The following SLC22A3 variants were observed in gnomAD, a reference collection of about 807,000 sequenced individuals.
SLC22A3 encodes the protein solute carrier family 22 member 3, also known as EMT organic cation transporter 3.
A neutral mutation model predicts 59.1 loss-of-function variants in SLC22A3; 51 were observed. The ratio of observed to expected loss-of-function variants is 0.86; its 90% confidence interval spans 0.69 to 1.09. The LOEUF is 1.09. Ranked by LOEUF, SLC22A3 falls within the 50% of genes least tolerant of loss-of-function variation. The pLI is 0.00. For missense variants in SLC22A3, 711 were observed against 726.3 expected, an observed-to-expected ratio of 0.98 and a Z score of 0.24; for synonymous variants, 325 against 292.0, an observed-to-expected ratio of 1.11 and a Z score of -1.15.
chr6:160,369,864 G>T (rs1320061382), intron 1 of SLC22A3, among the ~76,000 whole-genome samples: 1 of 152,224 alleles, frequency 6.6e-6, no homozygotes, highest in South Asian at 2.1e-4. Context: ...GCACAAGAAG[G>T]AGTGTTTCTT....
intron 1 of SLC22A3, among the ~76,000 whole-genome samples, chr6:160,372,960 A>C (rs1583454991): frequency 6.6e-6 from 1 of 152,160 alleles, no homozygotes. Context: ...TTTAGCTCAG[A>C]GGAGTTTGTT....
In SLC22A3 at chr6:160,426,617, A is replaced by G. The variant is rs568819445; in HGVS notation, c.976-10163A>G. ...GTATTTCTTACTTTTTCACTCAACT[A>G]TGTGTTTTAAGTGTCTACCCAACTT... On this transcript the variant is annotated intron_variant, in intron 5 of 10. Coordinates refer to ENST00000275300, the MANE Select transcript of SLC22A3 (RefSeq NM_021977.4). Among the ~76,000 whole-genome samples the G allele has an allele frequency of 7.2e-5, 11 of 152,202 alleles. No homozygotes were observed. In the South Asian group the frequency reaches 1.9e-3, roughly 26 times the overall value.
Position 160,348,387 on chromosome 6 carries a change from C to A in SLC22A3, c.-33C>A. ...GCTGGGTCCGCGGGTCACTCCGAGG[C>A]GCGGGCTGCGGGCGGCGGGCGGCGG... is the stretch of plus-strand genomic sequence containing the variant. On this transcript the variant is annotated 5_prime_UTR_variant, in exon 1 of 11. Transcript: ENST00000275300. 7.0e-7 allele frequency: 1 copy of A among 1,427,312 alleles called. No homozygotes were observed. Among genetic ancestry groups the A allele is most frequent in the Non-Finnish European group, 9.1e-7 (1 of 1,098,492 alleles). The allele number at this position is 1,427,312 out of a possible 1,614,324, so 88.4% of individuals were successfully genotyped here.
At chr6:160,364,385 G>A (rs114236158) in intron 1 of SLC22A3, among the ~76,000 whole-genome samples, 105 of 152,348 alleles carry the variant, frequency 6.9e-4, no homozygotes, top group African/African-American at 2.4e-3. Flanking sequence ...CAGGAGGTGT[G>A]AAGCAGCCTT....
chr6:160,355,095 A>G (rs1247935679), intron 1 of SLC22A3, among the ~76,000 whole-genome samples: 2 of 152,258 alleles, frequency 1.3e-5, no homozygotes, highest in African/African-American at 4.8e-5. Context: ...GCACAGGAAT[A>G]TGGGATTGCG....
At chr6:160,432,247 G>C (rs920394337) in intron 5 of SLC22A3, among the ~76,000 whole-genome samples, 54 of 152,048 alleles carry the variant, frequency 3.6e-4, no homozygotes, top group Non-Finnish European at 4.9e-4. Context: ...AACTAATCAG[G>C]CCTCCCGCTA....
At chr6:160,376,143 C>G (rs1785582256) in intron 1 of SLC22A3, among the ~76,000 whole-genome samples, 1 of 152,100 alleles carries the variant, frequency 6.6e-6, no homozygotes, top group Non-Finnish European at 1.5e-5. Context: ...ACATATATAC[C>G]ATAGAATACT....
chr6:160,354,962 C>T (rs545132123), intron 1 of SLC22A3, among the ~76,000 whole-genome samples: 13 of 152,108 alleles, frequency 8.5e-5, no homozygotes, highest in East Asian at 1.9e-4. Context: ...AGCCTGGAGC[C>T]GGAGCAACCT....
chr6:160,349,877 T>G (rs1295122084), intron 1 of SLC22A3, among the ~76,000 whole-genome samples: 1 of 152,226 alleles, frequency 6.6e-6, no homozygotes, highest in African/African-American at 2.4e-5. Context: ...AAAAAAGGTT[T>G]GTCTTTTTTT....
chr6:160,430,933 TG>T (rs967502509), intron 5 of SLC22A3, among the ~76,000 whole-genome samples: 3 of 151,276 alleles, frequency 2.0e-5, no homozygotes, highest in African/African-American at 7.3e-5. Flanking sequence ...GAGCCCAGAG[TG>T]GGGGGAGGGG....
At chr6:160,424,898 T>C (rs1787890819) in intron 5 of SLC22A3, among the ~76,000 whole-genome samples, 1 of 152,350 alleles carries the variant, frequency 6.6e-6, no homozygotes, top group South Asian at 2.1e-4. Flanking sequence ...CACGTTTTGA[T>C]TAGTATGTGT....
chr6:160,355,797 CA>C (rs149575505), intron 1 of SLC22A3, among the ~76,000 whole-genome samples: 31 of 150,566 alleles, frequency 2.1e-4, no homozygotes, highest in East Asian at 3.9e-4. Context: ...ACAACAACAA[CA>C]AAAAACTTGT....
chr6:160,415,121 G>C lies in SLC22A3; in HGVS notation c.975+4275G>C, dbSNP rs981126496. Among the ~76,000 whole-genome samples, 1 of 152,164 alleles carries C rather than the reference G, an allele frequency of 6.6e-6. No individual in the cohort carries two copies. Among genetic ancestry groups the C allele is most frequent in the South Asian group, 2.1e-4 (1 of 4,820 alleles). On this transcript the variant is annotated intron_variant, in intron 5 of 10. Transcript: ENST00000275300. The surrounding 1 kb of genome is among the most constrained non-coding windows in gnomAD (Gnocchi z 4.1). ...CTACCCATCTTTAATCTTTTTAATT[G>C]TACAGCGTAAGCAGAAAAGCAAAGT...
chr6:160,450,683 C>T (rs1788920456), intron 10 of SLC22A3, among the ~76,000 whole-genome samples: 2 of 152,116 alleles, frequency 1.3e-5, no homozygotes, highest in Non-Finnish European at 1.5e-5. Context: ...TAAAGACAGG[C>T]ATAAGAAATT....
rs146701271 is a variant in SLC22A3, at chr6:160,384,974, C to T, written c.430-13005C>T. Among the ~76,000 whole-genome samples the T allele has an allele frequency of 1.7e-3, 253 of 152,308 alleles. 2 individuals are homozygous for T. The Middle Eastern group carries it at 0.02, about 12-fold the overall frequency. On this transcript the variant is annotated intron_variant, in intron 1 of 10. Coordinates refer to ENST00000275300, the MANE Select transcript of SLC22A3 (RefSeq NM_021977.4). ...GTTCCTGGTGCATTTATCAAACCAG[C>T]GCTCCGGGTCCTGCTCACTCTCCTC...
At chr6:160,414,280 T>C (rs1038499896) in intron 5 of SLC22A3, among the ~76,000 whole-genome samples, 1 of 152,230 alleles carries the variant, frequency 6.6e-6, no homozygotes, top group African/African-American at 2.4e-5. Flanking sequence ...TCTCATCTTA[T>C]CATTACTTCT....
intron 7 of SLC22A3, among the ~76,000 whole-genome samples, chr6:160,439,244 C>T (rs1190065223): frequency 2.0e-5 from 3 of 152,094 alleles, no homozygotes; most frequent in South Asian, 2.1e-4. Flanking sequence ...ACATTGGAGA[C>T]GTTACTGTTC....
chr6:160,373,859 C>A (rs180758402), intron 1 of SLC22A3, among the ~76,000 whole-genome samples: 1 of 152,178 alleles, frequency 6.6e-6, no homozygotes, highest in Non-Finnish European at 1.5e-5. Flanking sequence ...ACCCCTCCCC[C>A]ACCAAGCTCG....
chr6:160,403,672 T>C (rs1416605025), intron 2 of SLC22A3, among the ~76,000 whole-genome samples: 1 of 140,460 alleles, frequency 7.1e-6, no homozygotes, highest in Non-Finnish European at 1.5e-5. Context: ...AATCCAATAG[T>C]GTATAAAAAA....
Sources: gnomAD v4.1 joint callset for allele counts (sites outside exome capture counted in the v4.1 genomes callset) on GRCh38, gnomAD v4.1.1 for gene constraint, Gnocchi (gnomAD v3.1) non-coding constraint, MANE v1.5 for transcripts, NCBI Gene and HGNC (gene_info 2026-07-23, HGNC 2026-07-21) for gene names.